Variants in CLGN observed in about 807,000 individuals in gnomAD.
CLGN encodes the protein testis tissue sperm-binding protein Li 79P.
A neutral mutation model predicts 79.1 loss-of-function variants in CLGN; 62 were observed. That is an observed-to-expected ratio of 0.78 (90% CI 0.64 to 0.97). The LOEUF is 0.97. Among genes scored for constraint, CLGN ranks in the 50% least tolerant of loss-of-function variants. The pLI, the probability that CLGN is intolerant of heterozygous loss-of-function variation, is 0.00. For missense variants in CLGN, 647 were observed against 715.5 expected (o/e 0.90, Z 1.09); for synonymous variants, 225 against 224.7 (o/e 1.00, Z -0.01).
At chr4:140,409,518 TC>T (rs1712661206) in intron 4 of CLGN, among the ~76,000 whole-genome samples, 1 of 152,006 alleles carries the variant, frequency 6.6e-6, no homozygotes, top group Non-Finnish European at 1.5e-5. Flanking sequence ...TCAAGGTGTG[TC>T]TATGCTTGAG....
chr4:140,412,774 C>T (rs1729236858), intron 2 of CLGN, among the ~76,000 whole-genome samples, 161 bp downstream of exon 2: 1 of 152,076 alleles, frequency 6.6e-6, no homozygotes, highest in South Asian at 2.1e-4. Flanking sequence ...TACATGGGCA[C>T]TCTAAAAATT....
intron 2 of CLGN, among the ~76,000 whole-genome samples, chr4:140,412,263 G>C (rs538975400): frequency 3.3e-5 from 5 of 152,094 alleles, no homozygotes; most frequent in Non-Finnish European, 1.5e-5. Context: ...TATTCCCTTC[G>C]GCCCTTCAAA....
At chr4:140,414,965 C>T (rs1156413207) in intron 1 of CLGN, among the ~76,000 whole-genome samples, 3 of 150,902 alleles carry the variant, frequency 2.0e-5, no homozygotes, top group Non-Finnish European at 3.0e-5. Context: ...GTCGGGTTAC[C>T]CTCAAAGGGA....
chr4:140,409,515 G>A (rs886343536), intron 4 of CLGN, among the ~76,000 whole-genome samples: 4 of 152,022 alleles, frequency 2.6e-5, no homozygotes, highest in Non-Finnish European at 5.9e-5. Context: ...AGATCAAGGT[G>A]TGTCTATGCT....
At chr4:140,408,691 T>TA (rs1729152938) in intron 4 of CLGN, among the ~76,000 whole-genome samples, 1 of 151,816 alleles carries the variant, frequency 6.6e-6, no homozygotes, top group Non-Finnish European at 1.5e-5. Flanking sequence ...ATGGATGTGG[T>TA]AAAAAGGGAA....
chr4:140,412,297 A>C (rs1020255022), intron 2 of CLGN, among the ~76,000 whole-genome samples: 1 of 152,160 alleles, frequency 6.6e-6, no homozygotes, highest in African/African-American at 2.4e-5. Context: ...AATACAATTA[A>C]TGCTTTCTCA....
intron 5 of CLGN, among the ~76,000 whole-genome samples, chr4:140,404,153 GCA>G (rs1729049300): frequency 6.6e-6 from 1 of 151,922 alleles, no homozygotes; most frequent in Non-Finnish European, 1.5e-5. Context: ...GAGTGCAGTG[GCA>G]TGATCTCGGC....
At chr4:140,396,282 TAA>T in intron 8 of CLGN, 77 bp from the exon 9 acceptor site, 1 of 1,140,664 alleles carries the variant, frequency 8.8e-7, no homozygotes, top group Non-Finnish European at 1.3e-6. Context: ...GAAGGTACCA[TAA>T]AATTATTTCC....
At chr4:140,414,620 T>C (rs1310916511) in intron 1 of CLGN, among the ~76,000 whole-genome samples, 2 of 144,312 alleles carry the variant, frequency 1.4e-5, no homozygotes, top group East Asian at 4.0e-4. Flanking sequence ...ATGAAATGAA[T>C]GAAATGAAGC....
At chr4:140,423,333 T>C (rs1156298521) in intron 1 of CLGN, among the ~76,000 whole-genome samples, 1 of 152,224 alleles carries the variant, frequency 6.6e-6, no homozygotes, top group African/African-American at 2.4e-5. Context: ...AAATGTGGCA[T>C]GGTACACTGA....
In CLGN at chr4:140,405,191, A is replaced by ATT. The variant is rs35471612; in HGVS notation, c.419+749_419+750dup. Among the ~76,000 whole-genome samples the ATT allele has an allele frequency of 4.4e-3, 571 of 129,028 alleles. 20 individuals carry two copies. Among genetic ancestry groups the ATT allele is most frequent in the Middle Eastern group, 0.017 (4 of 238 alleles). The allele number at this position is 129,028 out of a possible 152,430, so 84.6% of individuals were successfully genotyped here. ...TTTTTTTATTTTTATTTTTTTTTTT[A>ATT]TTTTTTTTTTTGAGACGGAGTCTCG... On this transcript the variant is annotated intron_variant, in intron 5 of 14. Transcript: ENST00000325617.
At chr4:140,402,697 G>C (rs564195788) in intron 5 of CLGN, among the ~76,000 whole-genome samples, 5 of 135,432 alleles carry the variant, frequency 3.7e-5, no homozygotes, top group African/African-American at 1.4e-4. Flanking sequence ...TTACAACACA[G>C]TGTAATTCTC....
chr4:140,410,493 C>G, intron 3 of CLGN, 60 bp downstream of exon 3: 1 of 1,228,240 alleles, frequency 8.1e-7, no homozygotes, highest in South Asian at 1.2e-5. Flanking sequence ...TAGGCCAAAA[C>G]CTAATAACTT....
chr4:140,408,884 T>TACAC (rs1553945585), intron 4 of CLGN, among the ~76,000 whole-genome samples: 11,718 of 145,238 alleles, frequency 0.081, 630 homozygotes, highest in East Asian at 0.19. Context: ...TATATATATA[T>TACAC]ACACACACAC....
At chr4:140,406,868 T>C (rs1455407025) in intron 4 of CLGN, among the ~76,000 whole-genome samples, 3 of 152,244 alleles carry the variant, frequency 2.0e-5, no homozygotes, top group African/African-American at 7.2e-5. Context: ...TATTTGTTTG[T>C]GTAAAATCTT....
At chr4:140,396,417 A>C (rs1414134251) in intron 8 of CLGN, among the ~76,000 whole-genome samples, 2 of 151,942 alleles carry the variant, frequency 1.3e-5, no homozygotes, top group Non-Finnish European at 2.9e-5. Context: ...ACACGTATAC[A>C]TTCTTTTTTT....
intron 10 of CLGN, among the ~76,000 whole-genome samples, chr4:140,395,519 AAT>A (rs1275536740): frequency 6.6e-6 from 1 of 152,224 alleles, no homozygotes; most frequent in Non-Finnish European, 1.5e-5. Context: ...TAAAATGTAC[AAT>A]ATGAGTCTAT....
chr4:140,402,749 T>C (rs1729023113), intron 5 of CLGN, among the ~76,000 whole-genome samples: 1 of 152,064 alleles, frequency 6.6e-6, no homozygotes, highest in Non-Finnish European at 1.5e-5. Context: ...TAAAAGGAAA[T>C]AGCCTTGCTA....
At chr4:140,418,731 A>G (rs1729397576) in intron 1 of CLGN, among the ~76,000 whole-genome samples, 1 of 150,466 alleles carries the variant, frequency 6.6e-6, no homozygotes, top group Non-Finnish European at 1.5e-5. Flanking sequence ...GTGGAGAAAT[A>G]GGAACACTTT....
Sources: gnomAD v4.1 joint callset for allele counts (sites outside exome capture counted in the v4.1 genomes callset) on GRCh38, gnomAD v4.1.1 for gene constraint, MANE v1.5 for transcripts, NCBI Gene and HGNC (gene_info 2026-07-23, HGNC 2026-07-21) for gene names.